Variants in DNAH7 observed in about 807,000 individuals in gnomAD.
DNAH7 encodes the protein dynein axonemal heavy chain 7.
In DNAH7, 397 loss-of-function variants were observed where a neutral mutation model predicts 444.6. That is an observed-to-expected ratio of 0.89 (90% CI 0.82 to 0.97). DNAH7 has a LOEUF of 0.97. Among genes scored for constraint, DNAH7 ranks in the 50% least tolerant of loss-of-function variants. The pLI, the probability that DNAH7 is intolerant of heterozygous loss-of-function variation, is 0.00. For synonymous variants in DNAH7, 1,636 were observed against 1,624.4 expected (o/e 1.01, Z -0.17); for missense variants, 4,902 against 4,800.8 (o/e 1.02, Z -0.62).
intron 61 of DNAH7, among the ~76,000 whole-genome samples, chr2:195,770,913 AG>A (rs1177605466): frequency 5.9e-5 from 9 of 151,414 alleles, no homozygotes; most frequent in African/African-American, 2.2e-4. Context: ...TGTGTTGCCA[AG>A]GAAGTTCTCA....
In DNAH7 at chr2:195,783,926, T is replaced by A. The variant is rs555453302; in HGVS notation, c.10878+3084A>T. Among the ~76,000 whole-genome samples, 72 of 152,164 alleles carry A rather than the reference T, an allele frequency of 4.7e-4. 1 individual carries two copies. The highest frequency in any genetic ancestry group is 4.6e-3 in the Admixed American group (71 of 15,282). On this transcript the variant is annotated intron_variant, in intron 58 of 64. Coordinates refer to ENST00000312428, the MANE Select transcript of DNAH7 (RefSeq NM_018897.3). ...TTCACTGATTTGTACTTTTTTTTTTTAAGACTATTTTTAAAGAACAGTTTT... is the reference window on the plus strand; with the variant it reads ...TTCACTGATTTGTACTTTTTTTTTTAAAGACTATTTTTAAAGAACAGTTTT...
chr2:195,942,373 A>C (rs554696464), intron 19 of DNAH7, among the ~76,000 whole-genome samples: 29 of 151,686 alleles, frequency 1.9e-4, no homozygotes, highest in Admixed American at 8.6e-4. Flanking sequence ...AAGCAAAAGA[A>C]GGAGAAGGAG....
At chr2:196,003,540 A>C (rs1044237224) in intron 10 of DNAH7, among the ~76,000 whole-genome samples, 2 of 152,208 alleles carry the variant, frequency 1.3e-5, no homozygotes, top group Non-Finnish European at 2.9e-5. Context: ...TACATACATA[A>C]ATAAATATTG....
At position 195,824,315 on chromosome 2, in the gene DNAH7, G is replaced by T; in HGVS notation, c.9231C>A (p.Phe3077Leu). 2 of 1,613,862 alleles carry T rather than the reference G, an allele frequency of 1.2e-6. No individual in the cohort carries two copies. The highest frequency in any genetic ancestry group is 1.7e-6 in the Non-Finnish European group (2 of 1,179,870). The change falls in exon 49 of 65, where the codon TTC becomes TTA. Residue 3077 changes from phenylalanine to leucine, a missense_variant. Phe to Leu is a conservative substitution (Grantham distance 22). Transcript: ENST00000312428. Reference sequence around the variant, plus strand: ...TTAACTTGGTAGTAATATAGAAGCGGAAGTCAGGTGCATATTCAATTGTGG... The same window carrying T: ...TTAACTTGGTAGTAATATAGAAGCGTAAGTCAGGTGCATATTCAATTGTGG... ...GDSTIEYAPD[F>L]RFYITTKLRN... is the part of the protein sequence containing the mutation.
At chr2:195,739,260 T>C (rs1419214521) in intron 64 of DNAH7, among the ~76,000 whole-genome samples, 2 of 152,246 alleles carry the variant, frequency 1.3e-5, no homozygotes, top group African/African-American at 4.8e-5. Flanking sequence ...TAAACTTTTG[T>C]GCCCATGGTA....
chr2:195,900,056 C>G (rs1217209088), intron 28 of DNAH7, among the ~76,000 whole-genome samples: 1 of 151,972 alleles, frequency 6.6e-6, no homozygotes, highest in Non-Finnish European at 1.5e-5. Context: ...TTGGTAGTAC[C>G]CCGTTAATGA....
chr2:196,028,949 A>G (rs1454164744), intron 5 of DNAH7, among the ~76,000 whole-genome samples: 1 of 152,216 alleles, frequency 6.6e-6, no homozygotes, highest in Non-Finnish European at 1.5e-5. Flanking sequence ...TGAATTTTAC[A>G]TATTCTTTTC....
intron 24 of DNAH7, among the ~76,000 whole-genome samples, chr2:195,912,514 G>A (rs1304852385): frequency 1.3e-5 from 2 of 152,146 alleles, no homozygotes; most frequent in Non-Finnish European, 2.9e-5. Flanking sequence ...TCTGAAACAG[G>A]AGAAAATCCC....
chr2:195,850,716 G>T (rs1699311237), intron 46 of DNAH7, among the ~76,000 whole-genome samples: 1 of 152,206 alleles, frequency 6.6e-6, no homozygotes, highest in African/African-American at 2.4e-5. Context: ...ATGTTGTAAG[G>T]TCTCTTAGTT....
intron 63 of DNAH7, among the ~76,000 whole-genome samples, chr2:195,746,563 A>G (rs1012767305): frequency 6.6e-6 from 1 of 152,228 alleles, no homozygotes; most frequent in African/African-American, 2.4e-5. Flanking sequence ...GCACCGTAAC[A>G]CACCTATTCC....
In DNAH7 at chr2:195,879,037, G is replaced by A. The variant is rs150599926; in HGVS notation, c.5962-2338C>T. Among the ~76,000 whole-genome samples the A allele has an allele frequency of 2.2e-3, 327 of 152,080 alleles. 1 individual carries two copies. The highest frequency in any genetic ancestry group is 7.2e-3 in the African/African-American group (298 of 41,504). ...ACTAGAAGAATTTTAAATAGTTTACGTACCCTTCCAAATCAATAGGAAGAA... is the reference window on the plus strand; with the variant it reads ...ACTAGAAGAATTTTAAATAGTTTACATACCCTTCCAAATCAATAGGAAGAA... On this transcript the variant is annotated intron_variant, in intron 36 of 64. Coordinates refer to ENST00000312428, the MANE Select transcript of DNAH7 (RefSeq NM_018897.3).
At chr2:195,933,660 A>G (rs959868629) in intron 21 of DNAH7, among the ~76,000 whole-genome samples, 12 of 150,284 alleles carry the variant, frequency 8.0e-5, no homozygotes, top group African/African-American at 2.7e-4. Context: ...CAAAAAACCA[A>G]ACACCGCATG....
intron 5 of DNAH7, among the ~76,000 whole-genome samples, chr2:196,031,446 T>C (rs910977708): frequency 6.6e-6 from 1 of 152,266 alleles, no homozygotes; most frequent in Admixed American, 6.5e-5. Flanking sequence ...GGCTCCTTGA[T>C]ACTTATGCAA....
rs75103281 is a variant in DNAH7, at chr2:195,961,257, C to A, written c.2206-312G>T. Among the ~76,000 whole-genome samples, 1,025 of 152,282 alleles carry A rather than the reference C, an allele frequency of 6.7e-3. 6 individuals carry two copies. Among genetic ancestry groups the A allele is most frequent in the African/African-American group, 0.023 (971 of 41,546 alleles). ...ATTTTTTTGTAATAAGAACACTACACAACCTACTCTCTTAGCAATGTTCAC... is the reference window on the plus strand; with the variant it reads ...ATTTTTTTGTAATAAGAACACTACAAAACCTACTCTCTTAGCAATGTTCAC... On this transcript the variant is annotated intron_variant, in intron 17 of 64. Coordinates refer to ENST00000312428, the MANE Select transcript of DNAH7 (RefSeq NM_018897.3).
intron 58 of DNAH7, among the ~76,000 whole-genome samples, chr2:195,781,355 G>A (rs1207803825): frequency 6.6e-6 from 1 of 152,194 alleles, no homozygotes; most frequent in Non-Finnish European, 1.5e-5. Flanking sequence ...AATTTCATAA[G>A]GGTTAAACTT....
chr2:195,972,667 A>C (rs147586553), intron 15 of DNAH7, among the ~76,000 whole-genome samples: 323 of 152,316 alleles, frequency 2.1e-3, no homozygotes, highest in African/African-American at 7.6e-3. Context: ...AAAAAGAAAA[A>C]GAAAGAAAAT....
At chr2:195,895,938 C>T (rs1338386368) in intron 29 of DNAH7, among the ~76,000 whole-genome samples, 5 of 152,190 alleles carry the variant, frequency 3.3e-5, no homozygotes, top group Non-Finnish European at 4.4e-5. Context: ...CAAAGTGCTA[C>T]AGTTTTTAAA....
intron 5 of DNAH7, 72 bp from the exon 6 acceptor site, chr2:196,028,119 A>T (rs1695805637): frequency 8.6e-7 from 1 of 1,169,412 alleles, no homozygotes; most frequent in African/African-American, 1.6e-5. Context: ...TGGATATAGG[A>T]ACACCAGGAC....
chr2:195,855,695 T>G, intron 45 of DNAH7, 116 bp downstream of exon 45: 1 of 1,142,638 alleles, frequency 8.8e-7, no homozygotes, highest in East Asian at 2.4e-5. Flanking sequence ...CGGGTCATAG[T>G]TTGCCAATCC....
Sources: allele counts gnomAD v4.1 joint callset (sites outside exome capture counted in the v4.1 genomes callset), GRCh38; gene constraint gnomAD v4.1.1; transcripts MANE v1.5; gene names NCBI Gene and HGNC (gene_info 2026-07-23, HGNC 2026-07-21).